PROX1: variants seen among roughly 807,000 people sequenced by gnomAD.
PROX1 encodes prospero homeobox protein 1.
In PROX1, 7 loss-of-function variants were observed where a neutral mutation model predicts 58.8. The ratio of observed to expected loss-of-function variants is 0.12; its 90% confidence interval spans 0.07 to 0.22. The LOEUF (loss-of-function observed/expected upper bound fraction) is 0.22, where lower values mean the gene tolerates loss of function less well. Among genes scored for constraint, PROX1 ranks in the 10% least tolerant of loss-of-function variants. The pLI is 1.00. For synonymous variants in PROX1, 350 were observed against 358.3 expected (o/e 0.98, Z 0.26); for missense variants, 675 against 927.8 (o/e 0.73, Z 3.54).
rs749483721 is a variant in PROX1, at chr1:214,013,193, AT to A, written c.2028+1480del. 2.0e-5 allele frequency among the ~76,000 whole-genome samples: 3 copies of A among 151,466 alleles called. No individual in the cohort carries two copies. The South Asian group carries it at 6.3e-4, about 32-fold the overall frequency. Reference sequence around the variant, plus strand: ...TTTGCTAAATACATTAAAAGTGAGAATTCTTCGTGTACTGCTCCACTATTTT... The same window carrying A: ...TTTGCTAAATACATTAAAAGTGAGAATCTTCGTGTACTGCTCCACTATTTT... On this transcript the variant is annotated intron_variant, in intron 4 of 4. Transcript: ENST00000366958.
chr1:213,990,160 GA>G (rs375885107), intron 1 of PROX1, among the ~76,000 whole-genome samples: 44 of 139,970 alleles, frequency 3.1e-4, no homozygotes, highest in African/African-American at 9.2e-4. Flanking sequence ...AGAAAGAAAA[GA>G]AAAAAAAAAG....
rs1488426811 is a variant in PROX1 at position 214,008,657 on chromosome 1, G to T, written c.1834-2864G>T. On this transcript the variant is annotated intron_variant, in intron 3 of 4. Coordinates refer to ENST00000366958, the MANE Select transcript of PROX1 (RefSeq NM_001270616.2). Reference sequence around the variant, plus strand: ...CAAATGACTTCCACCTGGGTAAGAGGTAAATGCTTTTCAATTACCTTGGAA... The same window carrying T: ...CAAATGACTTCCACCTGGGTAAGAGTTAAATGCTTTTCAATTACCTTGGAA... Among the ~76,000 whole-genome samples the T allele has an allele frequency of 2.0e-5, 3 of 152,106 alleles. No homozygotes were observed. The East Asian group carries it at 5.8e-4, about 29-fold the overall frequency.
At chr1:214,014,548 G>T (rs746370742) in intron 4 of PROX1, among the ~76,000 whole-genome samples, 15 of 152,150 alleles carry the variant, frequency 9.9e-5, no homozygotes, top group Non-Finnish European at 2.1e-4. Flanking sequence ...AACATTTATT[G>T]ACTGTTTACT....
At position 213,997,613 on chromosome 1, in the gene PROX1, A is replaced by G. The variant is rs923910772; in HGVS notation, c.1078A>G (p.Met360Val). The G allele has an allele frequency of 6.2e-7, 1 of 1,614,196 alleles. No individual in the cohort carries two copies. Among genetic ancestry groups the G allele is most frequent in the Non-Finnish European group, 8.5e-7 (1 of 1,180,046 alleles). ...CTTGAAACAGGAACTGAACACTGCC[A>G]TGTCGCAAGTTGTGGACACTGTGGT... ...ETLKQELNTA[M>V]SQVVDTVVKV... is the part of the protein sequence containing the mutation. Residue 360 changes from methionine to valine, a missense_variant, in exon 2 of 5, where the codon ATG becomes GTG. Transcript: ENST00000366958. This position sits in a 1 kb window ranked among gnomAD's most constrained non-coding sequence, Gnocchi z 7.1.
chr1:214,008,673 T>A (rs560901065), intron 3 of PROX1, among the ~76,000 whole-genome samples: 2 of 152,286 alleles, frequency 1.3e-5, no homozygotes, highest in African/African-American at 4.8e-5. Flanking sequence ...GCTTTTCAAT[T>A]ACCTTGGAAC....
At chr1:214,001,093 C>T (rs762295707) in intron 2 of PROX1, among the ~76,000 whole-genome samples, 2 of 152,116 alleles carry the variant, frequency 1.3e-5, no homozygotes, top group African/African-American at 2.4e-5. Flanking sequence ...AAAATTATCT[C>T]CCACTCCAAA....
At chr1:214,005,976 CTGTGTG>C (rs1663695756) in intron 3 of PROX1, among the ~76,000 whole-genome samples, 1 of 151,398 alleles carries the variant, frequency 6.6e-6, no homozygotes, top group South Asian at 2.1e-4. Flanking sequence ...GTGTCTGTGT[CTGTGTG>C]TGGGTTTTAA....
At chr1:213,983,759 T>C (rs1662757761), upstream of PROX1, 1 of 152,260 alleles carries the variant, frequency 6.6e-6, no homozygotes, top group African/African-American at 2.4e-5. Flanking sequence ...GCTTCTTCGC[T>C]ACTATGGACT....
At chr1:213,987,767 C>G (rs2102672328), upstream of PROX1, 1 of 146,524 alleles carries the variant, frequency 6.8e-6, no homozygotes, top group East Asian at 2.2e-4. Context: ...GCCCCTCTCC[C>G]CTCCTCTCTT....
rs1473254003 is a variant in PROX1 at position 214,035,810 on chromosome 1, C to G, written c.2190C>G (p.Cys730Trp). ...EVPEIFKSPN[C>W]LQELLHE ...CTGAGATTTTCAAATCCCCGAACTG[C>G]CTACAAGAGCTGCTTCATGAGTAGA... The change falls in exon 5 of 5, where the codon TGC becomes TGG. Residue 730 changes from cysteine (C) to tryptophan (W), a missense_variant. Around this residue, in one of 8 missense-constraint regions of PROX1, gnomAD observed 16 missense variants for 21.0 expected, o/e 0.76. Coordinates refer to ENST00000366958, the MANE Select transcript of PROX1 (RefSeq NM_001270616.2). 5 of 1,611,996 alleles carry G rather than the reference C, an allele frequency of 3.1e-6. No homozygotes were observed. Among genetic ancestry groups the G allele is most frequent in the Non-Finnish European group, 8.5e-7 (1 of 1,179,294 alleles).
chr1:213,989,282 G>A (rs1297367179), intron 1 of PROX1, among the ~76,000 whole-genome samples: 1 of 151,884 alleles, frequency 6.6e-6, no homozygotes, highest in Non-Finnish European at 1.5e-5. Context: ...CGAGCTCCTG[G>A]ACCCAGGGCT....
chr1:214,016,715 G>A (rs893530333), intron 4 of PROX1, among the ~76,000 whole-genome samples: 5 of 152,172 alleles, frequency 3.3e-5, no homozygotes, highest in Admixed American at 6.5e-5. Context: ...GAAGGAGAGC[G>A]CAGTAAAGAC....
intron 4 of PROX1, among the ~76,000 whole-genome samples, chr1:214,032,944 G>A (rs1456841512): frequency 6.6e-6 from 1 of 152,154 alleles, no homozygotes; most frequent in Admixed American, 6.5e-5. Flanking sequence ...TGATGAAGAG[G>A]AGACTGCATA....
upstream of PROX1, chr1:213,985,172 G>A (rs1662794319): frequency 6.6e-6 from 1 of 152,268 alleles, no homozygotes. Context: ...GGCGGAGGGA[G>A]GAGTTGTCTT....
chr1:214,027,609 T>C (rs1664503832), intron 4 of PROX1, among the ~76,000 whole-genome samples: 1 of 152,180 alleles, frequency 6.6e-6, no homozygotes, highest in Non-Finnish European at 1.5e-5. Context: ...TTTATCCAGC[T>C]TTGTAGTAGG....
intron 4 of PROX1, among the ~76,000 whole-genome samples, chr1:214,015,504 C>T (rs949282637): frequency 6.6e-6 from 1 of 151,864 alleles, no homozygotes; most frequent in African/African-American, 2.4e-5. Context: ...ACTTTAGGGG[C>T]GTATGAGTTG....
chr1:214,011,621 A>T lies in PROX1; in HGVS notation c.1934A>T (p.Asp645Val). Residue 645 changes from aspartate to valine, a missense_variant, in exon 4 of 5, where the codon GAT becomes GTT. By Grantham distance (152) the Asp-to-Val change is radical. Around this residue, in one of 8 missense-constraint regions of PROX1, gnomAD observed 50 missense variants for 79.3 expected, o/e 0.63. Coordinates refer to ENST00000366958, the MANE Select transcript of PROX1 (RefSeq NM_001270616.2). The part of the protein sequence containing the change: ...MEKYARQAIN[D>V]GVTSTEELSI... ...AAGTACGCACGTCAAGCCATCAACG[A>T]TGGGGTCACCAGTACTGAAGAGCTG... is the stretch of plus-strand genomic sequence containing the variant. The T allele has an allele frequency of 6.2e-7, 1 of 1,614,092 alleles. No individual in the cohort carries two copies.
chr1:213,987,235 T>C (rs1399431869), upstream of PROX1, among the ~76,000 whole-genome samples: 1 of 152,200 alleles, frequency 6.6e-6, no homozygotes, highest in African/African-American at 2.4e-5. Flanking sequence ...TTGATCTTCG[T>C]CTAATAACAG....
chr1:214,027,925 A>C (rs1664515306), intron 4 of PROX1, among the ~76,000 whole-genome samples: 1 of 151,322 alleles, frequency 6.6e-6, no homozygotes, highest in Non-Finnish European at 1.5e-5. Flanking sequence ...AGACCAAGGA[A>C]ACATAGTTTT....
Sources: gnomAD v4.1 joint callset for allele counts (sites outside exome capture counted in the v4.1 genomes callset) on GRCh38, gnomAD v4.1.1 for gene constraint, gnomAD v4.1.1 regional missense constraint, Gnocchi (gnomAD v3.1) non-coding constraint, MANE v1.5 for transcripts, NCBI Gene and HGNC (gene_info 2026-07-23, HGNC 2026-07-21) for gene names.